FBN2: variants seen among roughly 807,000 people sequenced by gnomAD.
The protein encoded by FBN2 is fibrillin 2.
FBN2 carries 105 observed loss-of-function variants against 355.6 expected under a neutral mutation model. That is an observed-to-expected ratio of 0.30 (90% CI 0.25 to 0.35). FBN2 has a LOEUF of 0.35. FBN2 is among the 10% of genes least tolerant of loss of function. The pLI is 1.00. For missense variants in FBN2, 3,280 were observed against 3,758.7 expected, an observed-to-expected ratio of 0.87 and a Z score of 3.33; for synonymous variants, 1,350 against 1,301.2, an observed-to-expected ratio of 1.04 and a Z score of -0.81.
intron 55 of FBN2, among the ~76,000 whole-genome samples, chr5:128,286,134 C>T (rs764862649): frequency 1.3e-4 from 20 of 152,110 alleles, no homozygotes; most frequent in Admixed American, 7.9e-4. Flanking sequence ...AGAATCACTG[C>T]ATAACTACAC....
intron 5 of FBN2, among the ~76,000 whole-genome samples, chr5:128,517,912 T>C (rs1251607592): frequency 2.0e-5 from 3 of 152,234 alleles, no homozygotes; most frequent in African/African-American, 4.8e-5. Flanking sequence ...AGGATGTAAA[T>C]AACAATGAAT....
chr5:128,471,272 G>T (rs1754854041), intron 5 of FBN2, among the ~76,000 whole-genome samples: 2 of 151,960 alleles, frequency 1.3e-5, no homozygotes, highest in Admixed American at 1.3e-4. Flanking sequence ...TTTCAATGAT[G>T]AGGTTATAAT....
At chr5:128,286,301 T>C (rs1309358991) in intron 55 of FBN2, among the ~76,000 whole-genome samples, 4 of 152,218 alleles carry the variant, frequency 2.6e-5, no homozygotes, top group African/African-American at 9.6e-5. Context: ...CTCACTCTTT[T>C]GTAAAATAAT....
intron 34 of FBN2, among the ~76,000 whole-genome samples, chr5:128,319,509 AGTT>A (rs888152849): frequency 3.6e-4 from 55 of 151,880 alleles, no homozygotes; most frequent in Non-Finnish European, 5.2e-4. Context: ...TAGTTAATTT[AGTT>A]AATTAAATAA....
At chr5:128,487,228 C>T (rs1251454727) in intron 5 of FBN2, among the ~76,000 whole-genome samples, 1 of 152,164 alleles carries the variant, frequency 6.6e-6, no homozygotes. Context: ...TGAGATAGAG[C>T]CTCCTTCATT....
chr5:128,271,976 C>T (rs368353224), intron 62 of FBN2, 23 bp downstream of exon 62: 31 of 1,613,356 alleles, frequency 1.9e-5, no homozygotes, highest in African/African-American at 1.1e-4. Flanking sequence ...AAAGCAAGTG[C>T]GATGGAAGAA....
Position 128,375,288 on chromosome 5 carries a change from A to T in FBN2, c.1973-538T>A, listed in dbSNP as rs570173813. Reference sequence around the variant, plus strand: ...CAGGAATACTTAAAATCTTCACAACATTTGTAATTAAATAATTAATAAGAA... The same window carrying T: ...CAGGAATACTTAAAATCTTCACAACTTTTGTAATTAAATAATTAATAAGAA... On this transcript the variant is annotated intron_variant, in intron 14 of 64. Transcript: ENST00000262464. Among the ~76,000 whole-genome samples, 7 of 152,328 alleles carry T rather than the reference A, an allele frequency of 4.6e-5. No individual in the cohort carries two copies. In the South Asian group the frequency reaches 1.5e-3, roughly 32 times the overall value.
At chr5:128,324,350 C>T (rs1287009838) in intron 34 of FBN2, among the ~76,000 whole-genome samples, 1 of 152,144 alleles carries the variant, frequency 6.6e-6, no homozygotes, top group Admixed American at 6.5e-5. Flanking sequence ...TTTGTTCTTG[C>T]TTCTCGAGTT....
At chr5:128,444,402 T>C (rs991949753) in intron 7 of FBN2, among the ~76,000 whole-genome samples, 1 of 152,232 alleles carries the variant, frequency 6.6e-6, no homozygotes, top group African/African-American at 2.4e-5. Context: ...GAAACAATAT[T>C]ACCCAAATAA....
chr5:128,500,228 T>TCAACAACAACAACAA (rs60501095), intron 5 of FBN2, among the ~76,000 whole-genome samples: 8 of 148,940 alleles, frequency 5.4e-5, no homozygotes, highest in Admixed American at 2.7e-4. Context: ...ACAGCTAATA[T>TCAACAACAACAACAA]CAACAACAAC....
At chr5:128,447,023 C>A (rs1754083525) in intron 6 of FBN2, among the ~76,000 whole-genome samples, 1 of 152,200 alleles carries the variant, frequency 6.6e-6, no homozygotes. Context: ...ATTTCATGGA[C>A]ATTTATCACT....
intron 5 of FBN2, among the ~76,000 whole-genome samples, chr5:128,507,263 T>A (rs1462531500): frequency 6.6e-6 from 1 of 152,064 alleles, no homozygotes; most frequent in Admixed American, 6.5e-5. Flanking sequence ...GATACAGGGA[T>A]ATTCATGTTA....
At chr5:128,293,184 A>G (rs1345579277) in intron 48 of FBN2, among the ~76,000 whole-genome samples, 3 of 152,210 alleles carry the variant, frequency 2.0e-5, no homozygotes, top group African/African-American at 7.2e-5. Context: ...GTTGGTAGAA[A>G]AGATACTAGT....
chr5:128,419,566 G>T (rs564944792), intron 7 of FBN2, among the ~76,000 whole-genome samples: 89 of 151,570 alleles, frequency 5.9e-4, no homozygotes, highest in Non-Finnish European at 9.1e-4. Context: ...AATGCTTTTG[G>T]TTTTTTGCAT....
chr5:128,411,443 C>T (rs923052518), intron 7 of FBN2, among the ~76,000 whole-genome samples: 1 of 152,058 alleles, frequency 6.6e-6, no homozygotes, highest in Non-Finnish European at 1.5e-5. Context: ...AGGTGGAAAG[C>T]GGACGGAGTG....
intron 4 of FBN2, 41 bp from the exon 5 acceptor site, chr5:128,519,409 C>T (rs1230480367): frequency 4.1e-6 from 6 of 1,472,800 alleles, no homozygotes; most frequent in South Asian, 1.1e-5. Context: ...TATAGCCAGT[C>T]TCCAAGCACA....
chr5:128,453,181 A>G (rs1754298553), intron 6 of FBN2, among the ~76,000 whole-genome samples: 1 of 152,220 alleles, frequency 6.6e-6, no homozygotes. Context: ...TGGTAACTTG[A>G]TATCTGCAGG....
chr5:128,315,722 G>A (rs73345203), intron 36 of FBN2, among the ~76,000 whole-genome samples: 6,043 of 152,150 alleles, frequency 0.04, 409 homozygotes, highest in African/African-American at 0.14. Context: ...GTACAGAAAC[G>A]TCATGAAAAT....
intron 25 of FBN2, among the ~76,000 whole-genome samples, chr5:128,339,538 C>T (rs1234163392): frequency 3.9e-5 from 6 of 152,000 alleles, no homozygotes; most frequent in African/African-American, 1.2e-4. Context: ...TGTATGATGG[C>T]ACCACTGTAC....
Sources: gnomAD v4.1 joint callset for allele counts (sites outside exome capture counted in the v4.1 genomes callset) on GRCh38, gnomAD v4.1.1 for gene constraint, MANE v1.5 for transcripts, NCBI Gene and HGNC (gene_info 2026-07-23, HGNC 2026-07-21) for gene names.